Variants in RMDN2 observed in about 807,000 individuals in gnomAD.
RMDN2 encodes the protein regulator of microtubule dynamics protein 2.
RMDN2 carries 61 observed loss-of-function variants against 52.8 expected under a neutral mutation model. The observed-to-expected ratio is 1.16, with a 90% CI of 0.94 to 1.43. The LOEUF is 1.43. Ranked by LOEUF, RMDN2 falls within the 40% of genes most tolerant of loss-of-function variation. The pLI, the probability that RMDN2 is intolerant of heterozygous loss-of-function variation, is 0.00. For synonymous variants in RMDN2, 180 were observed against 153.1 expected, an observed-to-expected ratio of 1.18 and a Z score of -1.30; for missense variants, 592 against 475.3, an observed-to-expected ratio of 1.25 and a Z score of -2.28.
chr2:37,997,383 C>G, intron 7 of RMDN2, 33 bp from the exon 8 acceptor site: 2 of 1,405,344 alleles, frequency 1.4e-6, no homozygotes, highest in Non-Finnish European at 2.0e-6. Flanking sequence ...AGGTGAACAA[C>G]TTTCTAAGAG....
chr2:37,947,474 C>G lies in RMDN2; in HGVS notation c.452+17745C>G, dbSNP rs113220363. 2.0e-5 allele frequency among the ~76,000 whole-genome samples: 3 copies of G among 152,068 alleles called. No individual in the cohort carries two copies. In the East Asian group the frequency reaches 5.8e-4, roughly 29 times the overall value. On this transcript the variant is annotated intron_variant, in intron 2 of 10. Coordinates refer to ENST00000354545, the MANE Select transcript of RMDN2 (RefSeq NM_001170791.3). The stretch of plus-strand genomic sequence containing the variant: ...TAAAAAAGCCATACTTTTTCTGCCT[C>G]GCAAGTCACATGCAGACAGCTGTGT...
At chr2:37,952,118 T>A (rs1168103077) in intron 2 of RMDN2, 1 of 1,613,168 alleles carries the variant, frequency 6.2e-7, no homozygotes, top group Admixed American at 1.7e-5. Flanking sequence ...GCGAATTAAC[T>A]TCAGGCCTGT....
intron 10 of RMDN2, among the ~76,000 whole-genome samples, chr2:38,007,284 C>G (rs1677242452): frequency 6.6e-6 from 1 of 152,124 alleles, no homozygotes; most frequent in African/African-American, 2.4e-5. Context: ...GGAATGGTAC[C>G]AGCTCCTCCT....
At chr2:38,034,661 T>G (rs964865655) in intron 10 of RMDN2, among the ~76,000 whole-genome samples, 1 of 151,282 alleles carries the variant, frequency 6.6e-6, no homozygotes. Context: ...CTCCAAACTT[T>G]CTTATTTTAT....
In RMDN2 at chr2:37,929,355, G is replaced by C. The variant is rs567727832; in HGVS notation, c.78G>C (p.Trp26Cys). ...CTGGAATCAGCTTGCTGCTCTTGTG[G>C]TACCACAAGGTCCGTAAACCAGGGA... ...GTAGISLLLL[W>C]YHKVRKPGIA... The change falls in exon 2 of 11, where the codon TGG (tryptophan) becomes TGC (cysteine). Residue 26 changes from tryptophan to cysteine, a missense_variant. Physicochemically the swap from Trp to Cys is radical, Grantham distance 215. Coordinates refer to ENST00000354545, the MANE Select transcript of RMDN2 (RefSeq NM_001170791.3). The C allele has an allele frequency of 3.7e-5, 57 of 1,551,898 alleles. No individual in the cohort carries two copies. The Admixed American group carries it at 5.1e-4, about 14-fold the overall frequency.
intron 2 of RMDN2, among the ~76,000 whole-genome samples, chr2:37,930,074 A>C (rs1666598969): frequency 6.6e-6 from 1 of 152,242 alleles, no homozygotes; most frequent in Non-Finnish European, 1.5e-5. Context: ...TGTTCAAAAG[A>C]ACTTTCCGCA....
At chr2:37,964,272 A>G (rs979378101) in intron 2 of RMDN2, among the ~76,000 whole-genome samples, 9 of 152,226 alleles carry the variant, frequency 5.9e-5, no homozygotes, top group Admixed American at 5.9e-4. Context: ...TCTTTGGTTG[A>G]GTCCGTTGTA....
chr2:37,923,898 C>T (rs1408198371), upstream of RMDN2, among the ~76,000 whole-genome samples: 1 of 152,062 alleles, frequency 6.6e-6, no homozygotes, highest in African/African-American at 2.4e-5. Context: ...TACAGAAGTG[C>T]GCCACCACAC....
Position 37,979,510 on chromosome 2 carries a change from T to A in RMDN2, c.731-1773T>A, listed in dbSNP as rs566922518. On this transcript the variant is annotated intron_variant, in intron 4 of 10. Coordinates refer to ENST00000354545, the MANE Select transcript of RMDN2 (RefSeq NM_001170791.3). ...TAAGGTTGTTATGCTTAGTACAGATTTGATCACTGGAGAGTACAAAATTCT... is the reference window on the plus strand; with the variant it reads ...TAAGGTTGTTATGCTTAGTACAGATATGATCACTGGAGAGTACAAAATTCT... Among the ~76,000 whole-genome samples the A allele has an allele frequency of 3.9e-5, 6 of 152,346 alleles. No individual in the cohort carries two copies. The East Asian group carries it at 5.8e-4, about 15-fold the overall frequency.
intron 7 of RMDN2, among the ~76,000 whole-genome samples, chr2:37,996,588 C>CAA (rs1186116651): frequency 1.8e-5 from 2 of 110,014 alleles, no homozygotes; most frequent in African/African-American, 5.9e-5. Flanking sequence ...GAGACATTGC[C>CAA]AAAAAAAAAA....
intron 2 of RMDN2, among the ~76,000 whole-genome samples, chr2:37,973,372 G>T (rs974206220): frequency 6.6e-6 from 1 of 152,188 alleles, no homozygotes; most frequent in Non-Finnish European, 1.5e-5. Flanking sequence ...AGTTTTGAGT[G>T]CCTGCTGAGT....
At chr2:37,968,028 T>C (rs1179023167) in intron 2 of RMDN2, among the ~76,000 whole-genome samples, 2 of 152,228 alleles carry the variant, frequency 1.3e-5, no homozygotes, top group Admixed American at 6.5e-5. Context: ...CGTGAACTTT[T>C]TGAAGTCCCC....
At position 38,039,085 on chromosome 2, in the gene RMDN2, CACACACACAGAG is replaced by C. The variant is rs775737194; in HGVS notation, c.1714-27895_1714-27884del. 8.3e-3 allele frequency among the ~76,000 whole-genome samples: 712 copies of C among 85,752 alleles called. 5 individuals carry two copies. Among genetic ancestry groups the C allele is most frequent in the East Asian group, 0.013 (15 of 1,192 alleles). 56.3% of individuals were successfully genotyped at this position (85,752 alleles called of 152,430 possible). ...ACACACACACACACACACACACACA[CACACACACAGAG>C]AGAGAGATAAAATGTTCATGGATTA... On this transcript the variant is annotated intron_variant, in intron 10 of 10. Transcript: ENST00000234195.
At chr2:38,038,029 G>A (rs1680701873) in intron 10 of RMDN2, among the ~76,000 whole-genome samples, 1 of 152,126 alleles carries the variant, frequency 6.6e-6, no homozygotes, top group Non-Finnish European at 1.5e-5. Context: ...TTGCAAGCCT[G>A]ACCTCCGAGG....
intron 2 of RMDN2, among the ~76,000 whole-genome samples, chr2:37,938,358 T>C (rs1374958178): frequency 6.6e-6 from 1 of 152,070 alleles, no homozygotes; most frequent in Non-Finnish European, 1.5e-5. Context: ...GAAATTTTCT[T>C]TTTTTGTTGT....
intron 2 of RMDN2, among the ~76,000 whole-genome samples, chr2:37,948,102 T>A (rs1668376523): frequency 6.6e-6 from 1 of 152,180 alleles, no homozygotes; most frequent in Non-Finnish European, 1.5e-5. Flanking sequence ...CAAATTGTGG[T>A]CTGTGGACCA....
intron 2 of RMDN2, among the ~76,000 whole-genome samples, chr2:37,954,183 A>T (rs1450187424): frequency 2.0e-5 from 3 of 151,982 alleles, no homozygotes; most frequent in Non-Finnish European, 2.9e-5. Flanking sequence ...CCTTTGATCC[A>T]TAGAAGTTTT....
intron 2 of RMDN2, among the ~76,000 whole-genome samples, chr2:37,931,336 G>C (rs1035122237): frequency 6.6e-6 from 1 of 152,208 alleles, no homozygotes; most frequent in Non-Finnish European, 1.5e-5. Context: ...AAAAATCCCA[G>C]TATAGCATTG....
chr2:37,964,699 G>T lies in RMDN2; in HGVS notation c.453-9341G>T, dbSNP rs535822419. 7.9e-5 allele frequency among the ~76,000 whole-genome samples: 12 copies of T among 152,182 alleles called. No homozygotes were observed. In the South Asian group the frequency reaches 2.5e-3, roughly 32 times the overall value. ...CTATATGTGTTGTTAGGACCTACAG[G>T]TTTATAGGTCTATAGTGATGTTTAA... is the stretch of plus-strand genomic sequence containing the variant. On this transcript the variant is annotated intron_variant, in intron 2 of 10. Coordinates refer to ENST00000354545, the MANE Select transcript of RMDN2 (RefSeq NM_001170791.3).
Sources: gnomAD v4.1 joint callset for allele counts (sites outside exome capture counted in the v4.1 genomes callset) on GRCh38, gnomAD v4.1.1 for gene constraint, MANE v1.5 for transcripts, NCBI Gene and HGNC (gene_info 2026-07-23, HGNC 2026-07-21) for gene names.